Variants in AGBL4 observed in about 807,000 individuals in gnomAD.
AGBL4 encodes cytosolic carboxypeptidase 6.
A neutral mutation model predicts 66.4 loss-of-function variants in AGBL4; 58 were observed. The observed-to-expected ratio is 0.87, with a 90% confidence interval of 0.71 to 1.09. The LOEUF (loss-of-function observed/expected upper bound fraction) is 1.09. Ranked by LOEUF, AGBL4 falls within the 50% of genes least tolerant of loss-of-function variation. The pLI, the probability that AGBL4 is intolerant of heterozygous loss-of-function variation, is 0.00. For synonymous variants in AGBL4, 234 were observed against 222.9 expected (o/e 1.05, Z -0.44); for missense variants, 579 against 631.0 (o/e 0.92, Z 0.88).
chr1:49,566,406 GT>G (rs1277839185), intron 3 of AGBL4, among the ~76,000 whole-genome samples: 2 of 152,132 alleles, frequency 1.3e-5, no homozygotes, highest in Admixed American at 6.5e-5. Context: ...TTTCTGCTCT[GT>G]TTTTTCCCCA....
intron 3 of AGBL4, among the ~76,000 whole-genome samples, chr1:49,346,683 A>G (rs1447388710): frequency 6.6e-6 from 1 of 152,214 alleles, no homozygotes; most frequent in Non-Finnish European, 1.5e-5. Flanking sequence ...CCTGAATACA[A>G]GAGACCCTAA....
intron 3 of AGBL4, among the ~76,000 whole-genome samples, chr1:49,302,054 A>T (rs755106689): frequency 6.6e-6 from 1 of 152,072 alleles, no homozygotes; most frequent in Non-Finnish European, 1.5e-5. Context: ...AGGCAAGATG[A>T]ACCTGTTGGG....
At chr1:48,707,267 C>T (rs766668058) in intron 6 of AGBL4, among the ~76,000 whole-genome samples, 6 of 152,162 alleles carry the variant, frequency 3.9e-5, no homozygotes, top group Non-Finnish European at 7.4e-5. Context: ...GCACTCCAGC[C>T]TGGGTGACAG....
At chr1:49,077,281 A>G (rs1364882626) in intron 4 of AGBL4, among the ~76,000 whole-genome samples, 1 of 152,154 alleles carries the variant, frequency 6.6e-6, no homozygotes, top group South Asian at 2.1e-4. Flanking sequence ...AGTGTTTAAC[A>G]CCATCACCAT....
intron 3 of AGBL4, among the ~76,000 whole-genome samples, chr1:49,293,794 C>T (rs1477903179): frequency 6.6e-6 from 1 of 152,040 alleles, no homozygotes; most frequent in Non-Finnish European, 1.5e-5. Flanking sequence ...TTTGAAAGAC[C>T]ATAAATTATT....
chr1:49,603,199 G>A (rs1465362324), intron 3 of AGBL4, among the ~76,000 whole-genome samples: 5 of 152,126 alleles, frequency 3.3e-5, no homozygotes, highest in Non-Finnish European at 5.9e-5. Context: ...AAGGAGAGGA[G>A]GGTCAGAACT....
chr1:49,763,920 A>C (rs1171248136), intron 2 of AGBL4, among the ~76,000 whole-genome samples: 1 of 151,714 alleles, frequency 6.6e-6, no homozygotes, highest in East Asian at 1.9e-4. Context: ...ACCACATGAG[A>C]CCCCCATGCC....
intron 5 of AGBL4, among the ~76,000 whole-genome samples, chr1:48,913,697 T>G (rs1653346703): frequency 6.6e-6 from 1 of 152,218 alleles, no homozygotes; most frequent in Non-Finnish European, 1.5e-5. Context: ...GTTGTATACT[T>G]ATTTCATTAC....
At chr1:49,556,376 G>C (rs1454026644) in intron 3 of AGBL4, among the ~76,000 whole-genome samples, 3 of 151,976 alleles carry the variant, frequency 2.0e-5, no homozygotes, top group Admixed American at 6.6e-5. Flanking sequence ...GGCGCCTGTC[G>C]TGAGGTGGGG....
chr1:49,553,080 G>GA (rs781657746), intron 3 of AGBL4, among the ~76,000 whole-genome samples: 1 of 151,950 alleles, frequency 6.6e-6, no homozygotes, highest in Non-Finnish European at 1.5e-5. Flanking sequence ...ACAGAGGAAA[G>GA]AAAAAAATAT....
intron 2 of AGBL4, among the ~76,000 whole-genome samples, chr1:49,743,732 T>G (rs543008132): frequency 2.0e-5 from 3 of 151,988 alleles, no homozygotes; most frequent in Admixed American, 1.3e-4. Flanking sequence ...CATAAAAAAT[T>G]ATGAGTTCAC....
intron 2 of AGBL4, among the ~76,000 whole-genome samples, chr1:49,799,875 G>A (rs1644818573): frequency 6.6e-6 from 1 of 152,022 alleles, no homozygotes; most frequent in African/African-American, 2.4e-5. Flanking sequence ...GACCCAGATG[G>A]ACACAGAAAA....
At chr1:48,886,271 G>A (rs61785993) in intron 5 of AGBL4, among the ~76,000 whole-genome samples, 259 of 152,308 alleles carry the variant, frequency 1.7e-3, no homozygotes, top group Non-Finnish European at 3.1e-3. Flanking sequence ...GGTTGTGCAT[G>A]TAGAAAGCTG....
At chr1:49,604,014 G>A (rs1558093781) in intron 3 of AGBL4, among the ~76,000 whole-genome samples, 1 of 150,102 alleles carries the variant, frequency 6.7e-6, no homozygotes, top group Non-Finnish European at 1.5e-5. Flanking sequence ...TATTTGCAAC[G>A]GTGAATTGTG....
chr1:49,164,911 A>G (rs1217729513), intron 4 of AGBL4, among the ~76,000 whole-genome samples: 1 of 152,082 alleles, frequency 6.6e-6, no homozygotes, highest in Non-Finnish European at 1.5e-5. Context: ...CAGCACAAGG[A>G]GCTTGCTTAG....
intron 1 of AGBL4, among the ~76,000 whole-genome samples, chr1:49,916,797 T>A (rs373515367): frequency 6.6e-6 from 1 of 151,928 alleles, no homozygotes; most frequent in African/African-American, 2.4e-5. Flanking sequence ...TTCACCAAAG[T>A]TGAAATGAAG....
intron 1 of AGBL4, among the ~76,000 whole-genome samples, chr1:49,986,175 A>G (rs1397899902): frequency 2.0e-5 from 3 of 152,080 alleles, no homozygotes; most frequent in Non-Finnish European, 2.9e-5. Flanking sequence ...CACATCAAGA[A>G]ACAGAACATT....
intron 4 of AGBL4, among the ~76,000 whole-genome samples, chr1:49,110,812 A>C (rs1645391442): frequency 6.6e-6 from 1 of 152,124 alleles, no homozygotes; most frequent in Non-Finnish European, 1.5e-5. Context: ...CTTATTCTTC[A>C]GTGACAATTC....
chr1:48,971,967 T>C (rs1658944423), intron 5 of AGBL4, among the ~76,000 whole-genome samples: 1 of 152,166 alleles, frequency 6.6e-6, no homozygotes, highest in Non-Finnish European at 1.5e-5. Context: ...CTGGTGTTTC[T>C]CCATCTATGC....
Sources: gnomAD v4.1 joint callset for allele counts (sites outside exome capture counted in the v4.1 genomes callset) on GRCh38, gnomAD v4.1.1 for gene constraint, MANE v1.5 for transcripts, NCBI Gene and HGNC (gene_info 2026-07-23, HGNC 2026-07-21) for gene names.